Variants in GAS2 observed in about 807,000 individuals in gnomAD.
The protein encoded by GAS2 is growth arrest-specific protein 2.
In GAS2, 20 loss-of-function variants were observed where a neutral mutation model predicts 37.5. The ratio of observed to expected loss-of-function variants is 0.53; its 90% CI spans 0.37 to 0.77. The LOEUF is 0.77. Ranked by LOEUF, GAS2 falls within the 30% of genes least tolerant of loss-of-function variation. GAS2 has a pLI of 0.00. For missense variants in GAS2, 336 were observed against 373.4 expected (o/e 0.90, Z 0.82); for synonymous variants, 144 against 132.2 (o/e 1.09, Z -0.61).
At position 22,641,218 on chromosome 11, in the gene GAS2, A is replaced by ATG. The variant is rs1162937201; in HGVS notation, c.-21+15415_-21+15416dup. On this transcript the variant is annotated intron_variant, in intron 1 of 5. Transcript: ENST00000528582. ...TCTTTCTTTATATATATATATATATATGTGTGTGTGTATATATATATGTGT... is the reference window on the plus strand; with the variant it reads ...TCTTTCTTTATATATATATATATATATGTGTGTGTGTGTATATATATATGTGT... Among the ~76,000 whole-genome samples the ATG allele has an allele frequency of 3.7e-3, 528 of 142,192 alleles. 6 individuals are homozygous for ATG. The highest frequency in any genetic ancestry group is 3.8e-3 in the East Asian group (19 of 4,976). 93.3% of individuals were successfully genotyped at this position (142,192 alleles called of 152,430 possible).
intron 7 of GAS2, among the ~76,000 whole-genome samples, chr11:22,795,128 G>C (rs1856364846): frequency 1.3e-5 from 2 of 152,126 alleles, no homozygotes; most frequent in South Asian, 4.1e-4. Flanking sequence ...ATACAATACA[G>C]AGTGCTCTAT....
intron 7 of GAS2, among the ~76,000 whole-genome samples, chr11:22,771,006 G>A (rs1854949787): frequency 6.6e-6 from 1 of 152,074 alleles, no homozygotes; most frequent in African/African-American, 2.4e-5. Flanking sequence ...TAATTAGTGG[G>A]CAAATCTCCA....
chr11:22,719,822 A>G (rs544527221), intron 3 of GAS2, among the ~76,000 whole-genome samples: 9 of 152,172 alleles, frequency 5.9e-5, no homozygotes, highest in African/African-American at 1.9e-4. Context: ...CGAATAATCC[A>G]TTGTCTGACT....
In GAS2 at chr11:22,741,608, C is replaced by A. The variant is rs12222247; in HGVS notation, c.473+3840C>A. The stretch of plus-strand genomic sequence containing the variant: ...AAGAAAAATACTTTCGGAACATTTT[C>A]TTTAATCTGTGATTTTTATTCATTA... On this transcript the variant is annotated intron_variant, in intron 5 of 7. Transcript: ENST00000454584. Among the ~76,000 whole-genome samples, 311 of 152,058 alleles carry A rather than the reference C, an allele frequency of 2.0e-3. 8 individuals are homozygous for A. In the East Asian group the frequency reaches 0.05, roughly 25 times the overall value.
In GAS2 at chr11:22,637,216, A is replaced by G. The variant is rs189234496; in HGVS notation, c.-21+11403A>G. ...ATTATATTAATATATTACTTATGTT[A>G]ATAGTATACTAATATAATATTAATT... is the stretch of plus-strand genomic sequence containing the variant. On this transcript the variant is annotated intron_variant, in intron 1 of 5. Transcript: ENST00000528582. Among the ~76,000 whole-genome samples, 102 of 96,394 alleles carry G rather than the reference A, an allele frequency of 1.1e-3. 2 individuals are homozygous for G. The highest frequency in any genetic ancestry group is 3.9e-3 in the African/African-American group (99 of 25,406). The allele number at this position is 96,394 out of a possible 152,430, so 63.2% of individuals were successfully genotyped here. A position where few individuals can be genotyped will look rare whatever the true frequency, so the allele number is the denominator to read the frequency against.
chr11:22,643,494 A>G (rs534354561), intron 1 of GAS2, among the ~76,000 whole-genome samples: 1 of 151,920 alleles, frequency 6.6e-6, no homozygotes, highest in Non-Finnish European at 1.5e-5. Context: ...AGGGACAACA[A>G]TGGCAATCAT....
chr11:22,699,680 G>A (rs1850730829), intron 3 of GAS2, among the ~76,000 whole-genome samples: 2 of 152,080 alleles, frequency 1.3e-5, no homozygotes, highest in Admixed American at 1.3e-4. Flanking sequence ...CCTCCTCTGT[G>A]CGTTAGTTTT....
chr11:22,687,421 T>G (rs1850017937), intron 3 of GAS2, among the ~76,000 whole-genome samples: 1 of 152,154 alleles, frequency 6.6e-6, no homozygotes, highest in South Asian at 2.1e-4. Context: ...GTACTAGAAT[T>G]TTTAAAAAGC....
In GAS2 at chr11:22,630,316, C is replaced by T. The variant is rs552649217; in HGVS notation, c.-21+4503C>T. Among the ~76,000 whole-genome samples, 88 of 152,178 alleles carry T rather than the reference C, an allele frequency of 5.8e-4. No homozygotes were observed. The South Asian group carries it at 5.8e-3, about 10-fold the overall frequency. On this transcript the variant is annotated intron_variant, in intron 1 of 5. Transcript: ENST00000528582. Reference sequence around the variant, plus strand: ...TGTGATGTTTGGTTTTTTGTTCTTGCGCTAGTTTGCTGAGAATGATGGTTT... The same window carrying T: ...TGTGATGTTTGGTTTTTTGTTCTTGTGCTAGTTTGCTGAGAATGATGGTTT...
chr11:22,684,315 C>T (rs1446602536), intron 2 of GAS2, among the ~76,000 whole-genome samples: 2 of 152,062 alleles, frequency 1.3e-5, no homozygotes, highest in African/African-American at 2.4e-5. Context: ...TCAGTGAGGA[C>T]GGTGTTTAGC....
At position 22,808,189 on chromosome 11, in the gene GAS2, C is replaced by T. The variant is rs117637769; in HGVS notation, c.724-3609C>T. Among the ~76,000 whole-genome samples, 805 of 152,264 alleles carry T rather than the reference C, an allele frequency of 5.3e-3. 12 individuals carry two copies. The highest frequency in any genetic ancestry group is 0.038 in the East Asian group (196 of 5,180). The stretch of plus-strand genomic sequence containing the variant: ...AAAATCAATCAACAAAGATGTATGC[C>T]TCCTCCAACTATAGCTCTTATCAAA... On this transcript the variant is annotated intron_variant, in intron 7 of 7. Coordinates refer to ENST00000454584, the MANE Select transcript of GAS2 (RefSeq NM_001143830.3).
At chr11:22,726,457 A>T in intron 4 of GAS2, 24 bp downstream of exon 4, 1 of 1,592,868 alleles carries the variant, frequency 6.3e-7, no homozygotes, top group Non-Finnish European at 8.6e-7. Flanking sequence ...TCAGAATTTT[A>T]GTTGATAAGA....
chr11:22,637,072 T>C (rs1374410904), intron 1 of GAS2, among the ~76,000 whole-genome samples: 1 of 132,606 alleles, frequency 7.5e-6, no homozygotes, highest in Middle Eastern at 0.012. Flanking sequence ...TATATTAATA[T>C]TATATTAATA....
upstream of GAS2, among the ~76,000 whole-genome samples, chr11:22,665,042 G>A (rs1438309549): frequency 6.6e-6 from 1 of 151,928 alleles, no homozygotes; most frequent in Non-Finnish European, 1.5e-5. Flanking sequence ...GCATGGAGAG[G>A]GAGTAATTTT....
At chr11:22,668,547 A>G (rs1475017349) in intron 1 of GAS2, among the ~76,000 whole-genome samples, 3 of 139,100 alleles carry the variant, frequency 2.2e-5, no homozygotes, top group South Asian at 2.2e-4. Context: ...ATAAGTTCAC[A>G]TGGCAAAAAA....
intron 7 of GAS2, among the ~76,000 whole-genome samples, chr11:22,785,119 G>A (rs909680159): frequency 3.3e-5 from 5 of 152,120 alleles, no homozygotes; most frequent in East Asian, 1.9e-4. Flanking sequence ...TGTGTGAGTC[G>A]TGGATGTTTT....
At chr11:22,750,965 C>A (rs1853693412) in intron 6 of GAS2, among the ~76,000 whole-genome samples, 1 of 151,838 alleles carries the variant, frequency 6.6e-6, no homozygotes, top group South Asian at 2.1e-4. Context: ...TTTTTTTAGT[C>A]CGGAAATTAT....
At chr11:22,670,061 G>A (rs1849140183) in intron 1 of GAS2, among the ~76,000 whole-genome samples, 1 of 152,118 alleles carries the variant, frequency 6.6e-6, no homozygotes, top group South Asian at 2.1e-4. Flanking sequence ...TAGGAAAATG[G>A]CATTTTCTCT....
intron 1 of GAS2, among the ~76,000 whole-genome samples, chr11:22,628,502 A>G (rs969145264): frequency 3.9e-5 from 6 of 152,224 alleles, no homozygotes; most frequent in African/African-American, 1.2e-4. Flanking sequence ...GTAAATTGGG[A>G]AAGAAAAAGG....
Sources: allele counts gnomAD v4.1 joint callset (sites outside exome capture counted in the v4.1 genomes callset), GRCh38; gene constraint gnomAD v4.1.1; transcripts MANE v1.5; gene names NCBI Gene and HGNC (gene_info 2026-07-23, HGNC 2026-07-21).